The following FGF12 variants were observed in gnomAD, a reference collection of about 807,000 sequenced individuals.
FGF12 encodes the protein fibroblast growth factor 12B.
FGF12 carries 14 observed loss-of-function variants against 23.6 expected under a neutral mutation model. The ratio of observed to expected loss-of-function variants is 0.59; its 90% CI spans 0.39 to 0.93. FGF12 has a LOEUF of 0.93. Ranked by LOEUF, FGF12 falls within the 40% of genes least tolerant of loss-of-function variation. The probability of loss-of-function intolerance (pLI) is 0.00; values close to 1 mark genes in which losing one functional copy is unlikely to be tolerated. For missense variants in FGF12, 175 were observed against 217.8 expected, an observed-to-expected ratio of 0.80 and a Z score of 1.24; for synonymous variants, 62 against 77.3, an observed-to-expected ratio of 0.80 and a Z score of 1.04.
intron 2 of FGF12, among the ~76,000 whole-genome samples, chr3:192,655,404 TAGAC>T (rs1314515743): frequency 1.3e-5 from 2 of 152,146 alleles, no homozygotes; most frequent in African/African-American, 4.8e-5. Flanking sequence ...GGAGCTGCAA[TAGAC>T]AGACAGACAT....
chr3:192,554,544 C>T (rs1328457558), intron 2 of FGF12, among the ~76,000 whole-genome samples: 1 of 152,190 alleles, frequency 6.6e-6, no homozygotes, highest in Non-Finnish European at 1.5e-5. Flanking sequence ...TCTAGAATAT[C>T]TAGCTGGGCT....
At chr3:192,310,997 A>G (rs981823613) in intron 4 of FGF12, among the ~76,000 whole-genome samples, 1 of 152,198 alleles carries the variant, frequency 6.6e-6, no homozygotes, top group Non-Finnish European at 1.5e-5. Context: ...CCTCTGTATT[A>G]CTTTAAAAAA....
intron 5 of FGF12, among the ~76,000 whole-genome samples, chr3:192,156,317 C>G (rs191868636): frequency 1.2e-4 from 19 of 152,296 alleles, no homozygotes; most frequent in Admixed American, 1.2e-3. Context: ...AGCAAATCCT[C>G]TAATTTAGAC....
intron 2 of FGF12, among the ~76,000 whole-genome samples, chr3:192,577,036 C>G (rs1712929588): frequency 6.6e-6 from 1 of 152,070 alleles, no homozygotes; most frequent in Non-Finnish European, 1.5e-5. Flanking sequence ...GAGGGAACAT[C>G]ACACACCAGG....
At chr3:192,354,858 A>C (rs1445293917) in intron 3 of FGF12, among the ~76,000 whole-genome samples, 1 of 152,106 alleles carries the variant, frequency 6.6e-6, no homozygotes, top group Non-Finnish European at 1.5e-5. Context: ...GGCATGCACC[A>C]CCGTGCCTGG....
At chr3:192,329,278 T>C (rs189656162) in intron 4 of FGF12, among the ~76,000 whole-genome samples, 10 of 152,322 alleles carry the variant, frequency 6.6e-5, no homozygotes, top group Admixed American at 3.9e-4. Flanking sequence ...CAGGTAAGAT[T>C]TGAGCTGAGC....
Position 192,268,446 on chromosome 3 carries a change from A to G in FGF12, c.228+66915T>C, listed in dbSNP as rs554520175. On this transcript the variant is annotated intron_variant, in intron 4 of 5. Transcript: ENST00000445105. Reference sequence around the variant, plus strand: ...TCGTTTGGATATCTGTCCCTGCCCAAATCTCATTTTGAAATGTAATCTCCA... The same window carrying G: ...TCGTTTGGATATCTGTCCCTGCCCAGATCTCATTTTGAAATGTAATCTCCA... 2.6e-5 allele frequency among the ~76,000 whole-genome samples: 4 copies of G among 152,258 alleles called. No individual in the cohort carries two copies. The South Asian group carries it at 8.3e-4, about 32-fold the overall frequency.
At chr3:192,499,942 T>A (rs6788153) in intron 2 of FGF12, among the ~76,000 whole-genome samples, 1 of 152,046 alleles carries the variant, frequency 6.6e-6, no homozygotes, top group African/African-American at 2.4e-5. Flanking sequence ...ACAACCCAGG[T>A]ATTATTTTAT....
intron 2 of FGF12, among the ~76,000 whole-genome samples, chr3:192,452,741 G>A (rs1722565034): frequency 6.6e-6 from 1 of 152,146 alleles, no homozygotes; most frequent in Admixed American, 6.5e-5. Flanking sequence ...TCAAAATGTG[G>A]ACAGTATTGC....
rs142275903 is a variant in FGF12 at position 192,281,138 on chromosome 3, A to G, written c.228+54223T>C. Among the ~76,000 whole-genome samples, 275 of 152,212 alleles carry G rather than the reference A, an allele frequency of 1.8e-3. 1 individual carries two copies. The highest frequency in any genetic ancestry group is 0.017 in the Middle Eastern group (5 of 294). On this transcript the variant is annotated intron_variant, in intron 4 of 5. Coordinates refer to ENST00000445105, the MANE Select transcript of FGF12 (RefSeq NM_004113.6). ...AAACTGGGTGGCTTAGACAACAAAAACTTATTATCTCACAGTTCTGAAGGC... is the reference window on the plus strand; with the variant it reads ...AAACTGGGTGGCTTAGACAACAAAAGCTTATTATCTCACAGTTCTGAAGGC...
At chr3:192,639,498 C>T (rs919850902) in intron 2 of FGF12, among the ~76,000 whole-genome samples, 4 of 152,354 alleles carry the variant, frequency 2.6e-5, no homozygotes, top group African/African-American at 9.6e-5. Context: ...CATATCTGAA[C>T]TCCACATTCA....
At chr3:192,667,241 AG>A (rs1259690825) in intron 2 of FGF12, among the ~76,000 whole-genome samples, 3 of 152,166 alleles carry the variant, frequency 2.0e-5, no homozygotes, top group Non-Finnish European at 4.4e-5. Flanking sequence ...ATAGCATAGA[AG>A]GGAGAAAAGC....
At chr3:192,596,026 G>T (rs1408404505) in intron 2 of FGF12, among the ~76,000 whole-genome samples, 1 of 151,014 alleles carries the variant, frequency 6.6e-6, no homozygotes, top group Non-Finnish European at 1.5e-5. Context: ...CAGGGAGGCG[G>T]GGGTTGCAGT....
intron 4 of FGF12, among the ~76,000 whole-genome samples, chr3:192,290,590 G>A (rs1024146733): frequency 1.3e-5 from 2 of 152,144 alleles, no homozygotes; most frequent in African/African-American, 2.4e-5. Flanking sequence ...CACCTAGCAT[G>A]CTACCTGACA....
chr3:192,581,523 A>G (rs554319993), intron 2 of FGF12, among the ~76,000 whole-genome samples: 1 of 150,478 alleles, frequency 6.6e-6, no homozygotes, highest in African/African-American at 2.4e-5. Flanking sequence ...GGAAGAATAC[A>G]TGCAAAAATG....
In FGF12 at chr3:192,413,062, A is replaced by G. The variant is rs573847080; in HGVS notation, c.14-52524T>C. On this transcript the variant is annotated intron_variant, in intron 2 of 5. Coordinates refer to ENST00000445105, the MANE Select transcript of FGF12 (RefSeq NM_004113.6). ...TGTAGTTATATTTAGTTATATATAT[A>G]TAGTCTATGTTTTTGGGCTCTAGTC... Among the ~76,000 whole-genome samples the G allele has an allele frequency of 5.3e-4, 80 of 152,318 alleles. 2 individuals are homozygous for G. Among genetic ancestry groups the G allele is most frequent in the South Asian group, 3.9e-3 (19 of 4,828 alleles).
chr3:192,702,353 T>C (rs1043302194), intron 2 of FGF12, among the ~76,000 whole-genome samples: 3 of 152,238 alleles, frequency 2.0e-5, no homozygotes, highest in African/African-American at 7.2e-5. Flanking sequence ...CCTAGCTTTG[T>C]GATCACAAAC....
chr3:192,167,731 GTATATATA>G (rs11394352), intron 5 of FGF12, among the ~76,000 whole-genome samples: 8 of 25,046 alleles, frequency 3.2e-4, no homozygotes, highest in South Asian at 2.5e-3. Flanking sequence ...TAGGTTATAG[GTATATATA>G]TATATATATA....
At chr3:192,587,403 G>A (rs1328176177) in intron 2 of FGF12, among the ~76,000 whole-genome samples, 2 of 151,908 alleles carry the variant, frequency 1.3e-5, no homozygotes, top group East Asian at 1.9e-4. Context: ...TAGTAGGAGG[G>A]TCTTTGAACA....
Sources: allele counts gnomAD v4.1 joint callset (sites outside exome capture counted in the v4.1 genomes callset), GRCh38; gene constraint gnomAD v4.1.1; transcripts MANE v1.5; gene names NCBI Gene and HGNC (gene_info 2026-07-23, HGNC 2026-07-21).